TFDP2: variants seen among roughly 807,000 people sequenced by gnomAD.
The protein encoded by TFDP2 is transcription factor Dp-2, also known as transcription factor Dp-2 (E2F dimerization partner 2).
Under a neutral mutation model 59.3 loss-of-function variants are expected in TFDP2, and 17 were observed. The observed-to-expected ratio is 0.29, with a 90% CI of 0.20 to 0.43. The LOEUF (loss-of-function observed/expected upper bound fraction) is 0.43. Among genes scored for constraint, TFDP2 ranks in the 20% least tolerant of loss-of-function variants. The pLI, the probability that TFDP2 is intolerant of heterozygous loss-of-function variation, is 1.00. For missense variants in TFDP2, 391 were observed against 528.8 expected, an observed-to-expected ratio of 0.74 and a Z score of 2.56; for synonymous variants, 180 against 194.7, an observed-to-expected ratio of 0.92 and a Z score of 0.63.
At chr3:142,022,674 T>C (rs2108362380) in intron 3 of TFDP2, among the ~76,000 whole-genome samples, 1 of 152,282 alleles carries the variant, frequency 6.6e-6, no homozygotes, top group Non-Finnish European at 1.5e-5. Context: ...CAAGAGTACT[T>C]CACTGGAAAT....
intron 10 of TFDP2, among the ~76,000 whole-genome samples, chr3:141,962,442 C>A (rs994911411): frequency 6.6e-5 from 10 of 151,162 alleles, no homozygotes; most frequent in African/African-American, 2.4e-4. Flanking sequence ...CACTGCAACC[C>A]CTGCCTCCCA....
chr3:142,072,858 G>C (rs1310217445), intron 3 of TFDP2, among the ~76,000 whole-genome samples: 1 of 152,188 alleles, frequency 6.6e-6, no homozygotes, highest in African/African-American at 2.4e-5. Flanking sequence ...GTTCTAATTG[G>C]TGTAAATGTT....
At chr3:142,060,845 T>C (rs2059895398) in intron 3 of TFDP2, among the ~76,000 whole-genome samples, 1 of 152,198 alleles carries the variant, frequency 6.6e-6, no homozygotes, top group Non-Finnish European at 1.5e-5. Context: ...AAATATTATC[T>C]TACTTGAGTC....
rs569471367 is a variant in TFDP2 at position 142,069,800 on chromosome 3, G to C, written c.82+23261C>G. On this transcript the variant is annotated intron_variant, in intron 3 of 12. Coordinates refer to ENST00000489671, the MANE Select transcript of TFDP2 (RefSeq NM_001178139.2). ...TTTTTTGTATTTTTAGTAGAGACGG[G>C]GTTTCACCATGTTGGCCAGGCTTGT... Among the ~76,000 whole-genome samples, 3 of 151,586 alleles carry C rather than the reference G, an allele frequency of 2.0e-5. No individual in the cohort carries two copies. In the East Asian group the frequency reaches 5.8e-4, roughly 29 times the overall value.
At chr3:142,091,524 C>T (rs1440835252) in intron 3 of TFDP2, among the ~76,000 whole-genome samples, 1 of 151,920 alleles carries the variant, frequency 6.6e-6, no homozygotes, top group Non-Finnish European at 1.5e-5. Flanking sequence ...CAAGATCATG[C>T]CACTGCACTC....
intron 6 of TFDP2, among the ~76,000 whole-genome samples, chr3:141,987,524 C>T (rs576742553): frequency 9.5e-5 from 14 of 146,672 alleles, no homozygotes; most frequent in African/African-American, 3.3e-4. Context: ...CTCAGGCGAT[C>T]CACCCAACTT....
rs764902177 is a variant in TFDP2, at chr3:141,974,057, C to G, written c.654G>C (p.Gln218His). 2 of 1,609,680 alleles carry G rather than the reference C, an allele frequency of 1.2e-6. No homozygotes were observed. The highest frequency in any genetic ancestry group is 2.2e-5 in the South Asian group (2 of 89,774). ...GLPTNSAQEC[Q>H]NLEIEKQRRI... Reference sequence around the variant, plus strand: ...AGATTTTCTCACTTACCTCCAGATTCTGACATTCCTGAGCAGAATTGGTAG... The same window carrying G: ...AGATTTTCTCACTTACCTCCAGATTGTGACATTCCTGAGCAGAATTGGTAG... Residue 218 changes from glutamine to histidine, a missense_variant, in exon 8 of 13, where the codon CAG becomes CAC. Gln to His is a conservative substitution (Grantham distance 24, BLOSUM62 0). This residue lies in a region of TFDP2 where 223 missense variants were observed against 292.5 expected (regional missense o/e 0.76). Transcript: ENST00000489671.
intron 1 of TFDP2, among the ~76,000 whole-genome samples, chr3:142,113,695 T>C (rs2061742209): frequency 6.6e-6 from 1 of 152,038 alleles, no homozygotes; most frequent in South Asian, 2.1e-4. Context: ...GATTCCAAGA[T>C]GACAAAAATG....
chr3:142,118,210 A>G (rs1323665779), intron 1 of TFDP2, among the ~76,000 whole-genome samples: 1 of 152,192 alleles, frequency 6.6e-6, no homozygotes, highest in East Asian at 1.9e-4. Context: ...CATCATCACT[A>G]CAAATTCAGA....
At chr3:142,016,734 A>G (rs773030039) in intron 3 of TFDP2, among the ~76,000 whole-genome samples, 3 of 152,206 alleles carry the variant, frequency 2.0e-5, no homozygotes, top group East Asian at 1.9e-4. Flanking sequence ...TTGCAATTAC[A>G]TAAGTGGATT....
At chr3:142,058,016 TCA>T (rs2059797809) in intron 3 of TFDP2, among the ~76,000 whole-genome samples, 1 of 152,186 alleles carries the variant, frequency 6.6e-6, no homozygotes, top group Admixed American at 6.5e-5. Flanking sequence ...TATAAAATAG[TCA>T]CAATTATCTT....
At chr3:142,076,721 T>C (rs1466067398) in intron 3 of TFDP2, among the ~76,000 whole-genome samples, 1 of 152,222 alleles carries the variant, frequency 6.6e-6, no homozygotes, top group Non-Finnish European at 1.5e-5. Flanking sequence ...TGTAGTTCTG[T>C]GTGCAGTTTC....
At chr3:142,032,966 C>T (rs1051388961) in intron 3 of TFDP2, among the ~76,000 whole-genome samples, 5 of 152,096 alleles carry the variant, frequency 3.3e-5, no homozygotes, top group Admixed American at 6.5e-5. Flanking sequence ...GAGGCTGTGG[C>T]GGGTGGATCA....
At chr3:142,122,197 AG>A (rs2062072756) in intron 1 of TFDP2, among the ~76,000 whole-genome samples, 1 of 152,226 alleles carries the variant, frequency 6.6e-6, no homozygotes, top group Admixed American at 6.5e-5. Context: ...CATTATAACC[AG>A]GTCTACAGAT....
Position 141,995,045 on chromosome 3 carries a change from C to T in TFDP2, c.283G>A (p.Ala95Thr). The change falls in exon 5 of 13, where the codon GCA becomes ACA. Residue 95 changes from alanine (A) to threonine (T), a missense_variant. By Grantham distance (58) the Ala-to-Thr change is moderately conservative. This residue lies in a region of TFDP2 where 162 missense variants were observed against 206.8 expected (regional missense o/e 0.78). Transcript: ENST00000489671. Reference protein sequence around the residue: ...APAMVTQTHIAEATGWVPGDR... With the variant: ...APAMVTQTHITEATGWVPGDR... ...CCAGGGACCCAGCCAGTAGCTTCTG[C>T]TATGTGTGTCTGAGTAACCATTGCT... 1 of 1,606,230 alleles carries T rather than the reference C, an allele frequency of 6.2e-7. No homozygotes were observed. Among genetic ancestry groups the T allele is most frequent in the Non-Finnish European group, 8.5e-7 (1 of 1,175,902 alleles).
intron 2 of TFDP2, among the ~76,000 whole-genome samples, chr3:142,100,377 C>CT (rs143225115): frequency 0.18 from 26,994 of 151,446 alleles, 2,615 homozygotes; most frequent in Middle Eastern, 0.24. Flanking sequence ...ACCTCCTTCC[C>CT]TTTTTTTTTC....
intron 3 of TFDP2, among the ~76,000 whole-genome samples, chr3:142,082,640 G>T (rs556737409): frequency 6.6e-6 from 1 of 152,030 alleles, no homozygotes; most frequent in Non-Finnish European, 1.5e-5. Context: ...CTACTAAACC[G>T]TATTCAACAA....
At chr3:142,006,388 CA>C (rs1386851859) in intron 3 of TFDP2, among the ~76,000 whole-genome samples, 1 of 151,982 alleles carries the variant, frequency 6.6e-6, no homozygotes, top group African/African-American at 2.4e-5. Flanking sequence ...GGTAGGACAA[CA>C]AAGACATTTC....
chr3:142,101,862 G>A, intron 1 of TFDP2, 21 bp from the exon 2 acceptor site: 1 of 528,738 alleles, frequency 1.9e-6, no homozygotes, highest in South Asian at 4.6e-5. Context: ...AAAACAGAGG[G>A]AATAGTAATG....
Sources: allele counts gnomAD v4.1 joint callset (sites outside exome capture counted in the v4.1 genomes callset), GRCh38; gene constraint gnomAD v4.1.1; regional missense constraint gnomAD v4.1.1; transcripts MANE v1.5; gene names NCBI Gene and HGNC (gene_info 2026-07-23, HGNC 2026-07-21).